Variants in PSD2 observed in about 807,000 individuals in gnomAD.
The protein encoded by PSD2 is pleckstrin and Sec7 domain containing 2, also known as PH and SEC7 domain-containing protein 2.
A neutral mutation model predicts 69.8 loss-of-function variants in PSD2; 38 were observed. The observed-to-expected ratio is 0.54, with a 90% CI of 0.42 to 0.71. The LOEUF (loss-of-function observed/expected upper bound fraction) is 0.71. PSD2 is among the 30% of genes least tolerant of loss of function. The pLI is 0.00. For synonymous variants in PSD2, 412 were observed against 423.0 expected (o/e 0.97, Z 0.32); for missense variants, 943 against 1,014.5 (o/e 0.93, Z 0.96).
At chr5:139,785,011 A>C in the PSD2 span, among the ~76,000 whole-genome samples, 2 of 151,806 alleles carry the variant, frequency 1.3e-5, no homozygotes, top group African/African-American at 4.8e-5. Context: ...TGCTCACTTC[A>C]GTCTCCCAAA....
At chr5:139,792,842 CT>C (rs899746672), upstream of PSD2, among the ~76,000 whole-genome samples, 235 of 134,188 alleles carry the variant, frequency 1.8e-3, 2 homozygotes, top group African/African-American at 6.0e-3. Context: ...TCCTTTCTTT[CT>C]TTTTTTCTTT....
the PSD2 span, among the ~76,000 whole-genome samples, chr5:139,757,204 G>A: frequency 1.9e-4 from 29 of 152,214 alleles, no homozygotes; most frequent in African/African-American, 6.8e-4. Flanking sequence ...AGCTGCCTGT[G>A]TGAGAAGCCA....
the PSD2 span, among the ~76,000 whole-genome samples, chr5:139,770,075 G>A: frequency 6.6e-6 from 1 of 152,226 alleles, no homozygotes; most frequent in Non-Finnish European, 1.5e-5. Context: ...CAGTGCTGGT[G>A]ATGCCCGTGA....
chr5:139,762,078 C>G, the PSD2 span, among the ~76,000 whole-genome samples: 26 of 152,188 alleles, frequency 1.7e-4, no homozygotes, highest in East Asian at 2.9e-3. Context: ...GAGTCTTGCT[C>G]TGTTGCCAGG....
chr5:139,832,189 G>A (rs900098278), intron 7 of PSD2, among the ~76,000 whole-genome samples: 24 of 152,156 alleles, frequency 1.6e-4, no homozygotes, highest in African/African-American at 5.1e-4. Context: ...GCTCCTGACC[G>A]ATGGCTGGGG....
the PSD2 span, among the ~76,000 whole-genome samples, chr5:139,786,387 C>T: frequency 6.6e-6 from 1 of 152,080 alleles, no homozygotes; most frequent in Admixed American, 6.6e-5. Flanking sequence ...GACCCTGCTT[C>T]GCTTTATTAA....
chr5:139,807,038 G>A (rs897674360), intron 1 of PSD2, among the ~76,000 whole-genome samples: 2 of 152,196 alleles, frequency 1.3e-5, no homozygotes, highest in South Asian at 4.1e-4. Context: ...GGGGTAGGGC[G>A]GAGGGGCTCC....
chr5:139,801,863 C>T (rs1055071461), intron 1 of PSD2, among the ~76,000 whole-genome samples: 5 of 152,152 alleles, frequency 3.3e-5, no homozygotes, highest in South Asian at 4.1e-4. Context: ...CAAATGTTGG[C>T]GTCACTCTTG....
the PSD2 span, among the ~76,000 whole-genome samples, chr5:139,750,383 G>T: frequency 2.0e-5 from 3 of 151,976 alleles, no homozygotes; most frequent in African/African-American, 4.8e-5. Flanking sequence ...ACTCCAAACT[G>T]CCCAGCCTCC....
At chr5:139,793,283 G>A (rs1036163974), upstream of PSD2, among the ~76,000 whole-genome samples, 1 of 152,170 alleles carries the variant, frequency 6.6e-6, no homozygotes, top group African/African-American at 2.4e-5. Flanking sequence ...TAGCCACAAG[G>A]AACAGTAACA....
chr5:139,812,087 C>G (rs1000548688), intron 2 of PSD2, among the ~76,000 whole-genome samples: 1 of 152,240 alleles, frequency 6.6e-6, no homozygotes, highest in Non-Finnish European at 1.5e-5. Context: ...GTGCGATGCT[C>G]TCTTCCAGGT....
chr5:139,806,202 T>A (rs1759802027), intron 1 of PSD2, among the ~76,000 whole-genome samples: 1 of 152,256 alleles, frequency 6.6e-6, no homozygotes, highest in Non-Finnish European at 1.5e-5. Context: ...AATGCCAGCC[T>A]GTCATTTGCA....
upstream of PSD2, among the ~76,000 whole-genome samples, chr5:139,792,479 G>A (rs913009447): frequency 6.6e-6 from 1 of 152,074 alleles, no homozygotes; most frequent in Non-Finnish European, 1.5e-5. Context: ...AGGGCCAGGC[G>A]GTAAACCATG....
chr5:139,790,157 G>T, the PSD2 span, among the ~76,000 whole-genome samples: 38 of 152,142 alleles, frequency 2.5e-4, no homozygotes, highest in African/African-American at 7.7e-4. Flanking sequence ...GGGAGCTCGC[G>T]CCTGTAATCC....
intron 4 of PSD2, among the ~76,000 whole-genome samples, chr5:139,816,694 C>T (rs2126943398): frequency 6.6e-6 from 1 of 152,360 alleles, no homozygotes; most frequent in East Asian, 1.9e-4. Flanking sequence ...CAGGACAACA[C>T]ACCCCACCTC....
chr5:139,814,320 C>G lies in PSD2; in HGVS notation c.972C>G (p.Leu324=), dbSNP rs368265001. Residue 324 remains leucine (L), a synonymous_variant, in exon 4 of 15, where the codon CTC becomes CTG. Transcript: ENST00000274710. This position sits in a 1 kb window ranked among gnomAD's most constrained non-coding sequence, Gnocchi z 4.4. The part of the protein sequence containing the change: ...AHRLARRLYH[L]EGFQRCDVAR... Reference sequence around the variant, plus strand: ...GGCTGGCACGCCGTCTCTACCACCTCGAGGGCTTCCAGCGCTGTGATGTGG... The same window carrying G: ...GGCTGGCACGCCGTCTCTACCACCTGGAGGGCTTCCAGCGCTGTGATGTGG... The G allele has an allele frequency of 6.2e-7, 1 of 1,612,156 alleles. No individual in the cohort carries two copies. Among genetic ancestry groups the G allele is most frequent in the East Asian group, 2.2e-5 (1 of 44,764 alleles).
At chr5:139,791,495 G>A (rs1759415134), upstream of PSD2, among the ~76,000 whole-genome samples, 1 of 152,084 alleles carries the variant, frequency 6.6e-6, no homozygotes, top group African/African-American at 2.4e-5. Context: ...AGGAATAGAA[G>A]GGAATGAACT....
the PSD2 span, among the ~76,000 whole-genome samples, chr5:139,786,487 T>C: frequency 6.6e-6 from 1 of 152,206 alleles, no homozygotes; most frequent in Non-Finnish European, 1.5e-5. Context: ...GTCATGGACA[T>C]TAGAGCTGTT....
chr5:139,785,051 G>A, the PSD2 span, among the ~76,000 whole-genome samples: 222 of 151,980 alleles, frequency 1.5e-3, no homozygotes, highest in Non-Finnish European at 2.5e-3. Flanking sequence ...GAGCCACCTC[G>A]CCCAGCCTAC....
Sources: allele counts gnomAD v4.1 joint callset (sites outside exome capture counted in the v4.1 genomes callset), GRCh38; gene constraint gnomAD v4.1.1; non-coding constraint Gnocchi (gnomAD v3.1); transcripts MANE v1.5; gene names NCBI Gene and HGNC (gene_info 2026-07-23, HGNC 2026-07-21).